PIGU: variants seen among roughly 807,000 people sequenced by gnomAD.
PIGU encodes the protein GPI-anchor transamidase component PIGU.
Under a neutral mutation model 49.9 loss-of-function variants are expected in PIGU, and 24 were observed. The ratio of observed to expected loss-of-function variants is 0.48; its 90% CI spans 0.35 to 0.68. PIGU has a LOEUF of 0.68. Among genes scored for constraint, PIGU ranks in the 30% least tolerant of loss-of-function variants. PIGU has a pLI of 0.01. For synonymous variants in PIGU, 220 were observed against 205.7 expected (o/e 1.07, Z -0.59); for missense variants, 490 against 532.6 (o/e 0.92, Z 0.79).
chr20:34,646,390 G>C (rs757703806), intron 2 of PIGU, among the ~76,000 whole-genome samples: 31 of 152,058 alleles, frequency 2.0e-4, no homozygotes, highest in Admixed American at 2.0e-4. Flanking sequence ...TATGGCTTTA[G>C]CTGTATCACA....
At chr20:34,673,577 T>C (rs896137510) in intron 1 of PIGU, among the ~76,000 whole-genome samples, 1 of 152,228 alleles carries the variant, frequency 6.6e-6, no homozygotes, top group Non-Finnish European at 1.5e-5. Context: ...CATGAAACAC[T>C]ACTATGTCCT....
intron 7 of PIGU, among the ~76,000 whole-genome samples, chr20:34,609,058 T>A (rs894325066): frequency 6.6e-6 from 1 of 151,996 alleles, no homozygotes; most frequent in South Asian, 2.1e-4. Context: ...GGCGGGAGGA[T>A]TGCTGTAGCT....
intron 6 of PIGU, among the ~76,000 whole-genome samples, chr20:34,622,473 C>T (rs8125357): frequency 0.016 from 2,483 of 151,968 alleles, 81 homozygotes; most frequent in African/African-American, 0.058. Context: ...GCCGAGATCA[C>T]GCCACTGCAC....
chr20:34,593,913 A>G (rs1331770493), intron 7 of PIGU, among the ~76,000 whole-genome samples: 1 of 151,278 alleles, frequency 6.6e-6, no homozygotes, highest in East Asian at 2.0e-4. Flanking sequence ...ATGGTGGCTC[A>G]TGCCTGTTAT....
chr20:34,602,729 A>G (rs1984473533), intron 7 of PIGU, among the ~76,000 whole-genome samples: 1 of 152,220 alleles, frequency 6.6e-6, no homozygotes, highest in African/African-American at 2.4e-5. Flanking sequence ...TACATAGAAT[A>G]TAAAGCTTAA....
chr20:34,647,299 GCT>G (rs1986382778), intron 2 of PIGU, among the ~76,000 whole-genome samples: 1 of 131,854 alleles, frequency 7.6e-6, no homozygotes, highest in Non-Finnish European at 1.6e-5. Flanking sequence ...ACAGAGTCTT[GCT>G]CTGTTGCTAG....
At position 34,657,275 on chromosome 20, in the gene PIGU, A is replaced by G. The variant is rs113399750; in HGVS notation, c.131-31T>C. On this transcript the variant is annotated intron_variant, in intron 1 of 11. Coordinates refer to ENST00000217446, the MANE Select transcript of PIGU (RefSeq NM_080476.5). ...AAATTAGATATACAAGTTCACTCAG[A>G]CTAAGCAGGCAGCTACAGACCAAAT... 612 of 1,570,648 alleles carry G rather than the reference A, an allele frequency of 3.9e-4. 8 individuals are homozygous for G. In the African/African-American group the frequency reaches 6.4e-3, roughly 17 times the overall value.
rs559435250 is a variant in PIGU at position 34,632,171 on chromosome 20, A to T, written c.529+2444T>A. ...ATATTAAATATTTCAGGAAAAAAAAACTGGGTTATATCCATGACCATAAAA... is the reference window on the plus strand; with the variant it reads ...ATATTAAATATTTCAGGAAAAAAAATCTGGGTTATATCCATGACCATAAAA... On this transcript the variant is annotated intron_variant, in intron 6 of 11. Transcript: ENST00000217446. 2.0e-5 allele frequency among the ~76,000 whole-genome samples: 3 copies of T among 151,846 alleles called. No individual in the cohort carries two copies. The South Asian group carries it at 6.3e-4, about 32-fold the overall frequency.
At chr20:34,597,029 A>G (rs1179760996) in intron 7 of PIGU, among the ~76,000 whole-genome samples, 1 of 152,208 alleles carries the variant, frequency 6.6e-6, no homozygotes, top group African/African-American at 2.4e-5. Context: ...CTAGACTGTC[A>G]TATTTGGTTG....
rs189620896 is a variant in PIGU, at chr20:34,652,590, T to A, written c.195+4590A>T. On this transcript the variant is annotated intron_variant, in intron 2 of 11. Coordinates refer to ENST00000217446, the MANE Select transcript of PIGU (RefSeq NM_080476.5). Reference sequence around the variant, plus strand: ...GAGGTCTTCTTTTCTAATATAAGCATTTGGTGCTATAAGTCTCTCCCTAAG... The same window carrying A: ...GAGGTCTTCTTTTCTAATATAAGCAATTGGTGCTATAAGTCTCTCCCTAAG... Among the ~76,000 whole-genome samples, 441 of 152,312 alleles carry A rather than the reference T, an allele frequency of 2.9e-3. 2 individuals carry two copies. The highest frequency in any genetic ancestry group is 5.4e-3 in the Non-Finnish European group (370 of 68,034).
At chr20:34,626,187 T>C (rs1374879006) in intron 6 of PIGU, among the ~76,000 whole-genome samples, 1 of 152,090 alleles carries the variant, frequency 6.6e-6, no homozygotes, top group Non-Finnish European at 1.5e-5. Flanking sequence ...TCTTTATTTC[T>C]GCATTACTTT....
At chr20:34,585,807 A>G (rs1034637338) in intron 8 of PIGU, among the ~76,000 whole-genome samples, 5 of 152,190 alleles carry the variant, frequency 3.3e-5, no homozygotes, top group African/African-American at 1.2e-4. Flanking sequence ...AGCTAAGCCA[A>G]ACAAATCTGA....
chr20:34,582,406 G>A (rs1022381195), intron 9 of PIGU, among the ~76,000 whole-genome samples: 6 of 152,126 alleles, frequency 3.9e-5, no homozygotes, highest in Non-Finnish European at 7.4e-5. Flanking sequence ...TGGGCCAGGC[G>A]CAGTGGCTCA....
chr20:34,636,817 T>C (rs1199532413), intron 5 of PIGU, among the ~76,000 whole-genome samples: 2 of 152,206 alleles, frequency 1.3e-5, no homozygotes, highest in African/African-American at 2.4e-5. Flanking sequence ...ACTGTGAGAT[T>C]AGCAGTTCTA....
intron 1 of PIGU, among the ~76,000 whole-genome samples, chr20:34,659,429 G>C (rs1986857308): frequency 2.1e-5 from 3 of 145,526 alleles, no homozygotes; most frequent in Admixed American, 2.0e-4. Context: ...GAGGGAGGTG[G>C]GGGGGTCAGC....
chr20:34,662,059 A>G (rs1986942381), intron 1 of PIGU, among the ~76,000 whole-genome samples: 1 of 151,962 alleles, frequency 6.6e-6, no homozygotes, highest in Admixed American at 6.6e-5. Context: ...GTGTCTGTTC[A>G]TGTCCTGTGC....
Position 34,618,033 on chromosome 20 carries a change from T to C in PIGU, c.530-1894A>G, listed in dbSNP as rs34404500. 5.4e-3 allele frequency among the ~76,000 whole-genome samples: 818 copies of C among 152,230 alleles called. 2 individuals are homozygous for C. The highest frequency in any genetic ancestry group is 9.1e-3 in the Non-Finnish European group (618 of 67,996). ...ATGATTGTGAGACCTTCCCCAGCCA[T>C]GTGGAACTATAAGTTCAATTAAACC... On this transcript the variant is annotated intron_variant, in intron 6 of 11. Transcript: ENST00000217446.
At chr20:34,624,432 C>T (rs1985375272) in intron 6 of PIGU, among the ~76,000 whole-genome samples, 1 of 152,196 alleles carries the variant, frequency 6.6e-6, no homozygotes, top group Non-Finnish European at 1.5e-5. Flanking sequence ...AGCCTGGGCT[C>T]TTAATCATGC....
At chr20:34,634,571 A>T in intron 6 of PIGU, 44 bp downstream of exon 6, 1 of 1,565,042 alleles carries the variant, frequency 6.4e-7, no homozygotes. Flanking sequence ...AAAATCTTGC[A>T]TAAATCAGGG....
Sources: allele counts gnomAD v4.1 joint callset (sites outside exome capture counted in the v4.1 genomes callset), GRCh38; gene constraint gnomAD v4.1.1; transcripts MANE v1.5; gene names NCBI Gene and HGNC (gene_info 2026-07-23, HGNC 2026-07-21).